Variants in DOCK5 observed in about 807,000 individuals in gnomAD.
DOCK5 encodes the protein dedicator of cytokinesis protein 5.
Under a neutral mutation model 251.8 loss-of-function variants are expected in DOCK5, and 142 were observed. The observed-to-expected ratio is 0.56, with a 90% CI of 0.49 to 0.65. The LOEUF is 0.65. Among genes scored for constraint, DOCK5 ranks in the 30% least tolerant of loss-of-function variants. DOCK5 has a pLI of 0.00. For missense variants in DOCK5, 2,111 were observed against 2,312.3 expected (o/e 0.91, Z 1.79); for synonymous variants, 842 against 835.5 (o/e 1.01, Z -0.13).
At chr8:25,328,743 A>G (rs1282171615) in intron 18 of DOCK5, among the ~76,000 whole-genome samples, 1 of 152,148 alleles carries the variant, frequency 6.6e-6, no homozygotes, top group African/African-American at 2.4e-5. Context: ...GTGTGGGATC[A>G]TTGGTTTCTG....
At chr8:25,276,637 C>G (rs1804047672) in intron 4 of DOCK5, among the ~76,000 whole-genome samples, 1 of 152,060 alleles carries the variant, frequency 6.6e-6, no homozygotes, top group African/African-American at 2.4e-5. Flanking sequence ...AGTTGTAGTT[C>G]AGCACCATCA....
intron 34 of DOCK5, among the ~76,000 whole-genome samples, chr8:25,371,488 AT>A (rs1800871843): frequency 1.3e-5 from 2 of 152,346 alleles, no homozygotes; most frequent in Non-Finnish European, 2.9e-5. Context: ...AATAAAAAAA[AT>A]AATTGAATTG....
At chr8:25,403,868 A>G in intron 48 of DOCK5, 144 bp downstream of exon 48, 1 of 893,114 alleles carries the variant, frequency 1.1e-6, no homozygotes, top group Non-Finnish European at 1.7e-6. Flanking sequence ...TGATTAGCAG[A>G]ATAATAACAA....
Position 25,414,803 on chromosome 8 carries a change from C to T in DOCK5, c.*3505C>T, listed in dbSNP as rs1263390308. ...TTGTGGCTTCCTTTCTCATACTTCT[C>T]AGGTATAATGAAAGGGGGAGAAAAA... is the stretch of plus-strand genomic sequence containing the variant. On this transcript the variant is annotated 3_prime_UTR_variant, in exon 52 of 52. Coordinates refer to ENST00000276440, the MANE Select transcript of DOCK5 (RefSeq NM_024940.8). 6.6e-6 allele frequency: 1 copy of T among 151,552 alleles called. No homozygotes were observed. Among genetic ancestry groups the T allele is most frequent in the Non-Finnish European group, 1.5e-5 (1 of 67,962 alleles). 9.4% of individuals were successfully genotyped at this position (151,552 alleles called of 1,614,324 possible).
chr8:25,405,161 T>C (rs1187897675), intron 48 of DOCK5, among the ~76,000 whole-genome samples: 1 of 152,154 alleles, frequency 6.6e-6, no homozygotes, highest in Admixed American at 6.5e-5. Flanking sequence ...TTTATTGAGT[T>C]GTGCTGATTT....
chr8:25,266,928 A>G (rs1803769458), intron 2 of DOCK5, among the ~76,000 whole-genome samples: 1 of 152,228 alleles, frequency 6.6e-6, no homozygotes, highest in Non-Finnish European at 1.5e-5. Context: ...ACAAACGTAC[A>G]GATAAATTCT....
At chr8:25,398,786 C>A (rs1261974222) in intron 45 of DOCK5, among the ~76,000 whole-genome samples, 1 of 152,204 alleles carries the variant, frequency 6.6e-6, no homozygotes, top group Non-Finnish European at 1.5e-5. Flanking sequence ...GTATGTATGA[C>A]CTCCTCTTAA....
intron 11 of DOCK5, among the ~76,000 whole-genome samples, chr8:25,306,703 TAAATAAATAAAATA>T (rs1563196110): frequency 7.0e-6 from 1 of 142,900 alleles, no homozygotes. Flanking sequence ...GAAAAAAAAA[TAAATAAATAAAATA>T]AAATAAATAA....
chr8:25,199,611 G>T (rs946791348), intron 1 of DOCK5, among the ~76,000 whole-genome samples: 7 of 152,170 alleles, frequency 4.6e-5, no homozygotes, highest in Non-Finnish European at 8.8e-5. Flanking sequence ...TTGAACTCCT[G>T]ACCTCAGGTG....
rs150983720 is a variant in DOCK5 at position 25,343,252 on chromosome 8, G to T, written c.2617+745G>T. ...TCAAACTCCTGACCTCAAGTGATCT[G>T]CCCAACTTGGCCTCCCAAAGTACTG... On this transcript the variant is annotated intron_variant, in intron 25 of 51. Coordinates refer to ENST00000276440, the MANE Select transcript of DOCK5 (RefSeq NM_024940.8). Among the ~76,000 whole-genome samples the T allele has an allele frequency of 1.9e-3, 285 of 151,184 alleles. 1 individual carries two copies. The highest frequency in any genetic ancestry group is 6.2e-3 in the African/African-American group (256 of 41,092).
intron 4 of DOCK5, among the ~76,000 whole-genome samples, chr8:25,277,880 G>C (rs1259696392): frequency 6.6e-6 from 1 of 152,190 alleles, no homozygotes; most frequent in Non-Finnish European, 1.5e-5. Flanking sequence ...GAGCCTGGCA[G>C]TCCTACCACC....
intron 26 of DOCK5, among the ~76,000 whole-genome samples, chr8:25,347,753 T>C (rs1800396157): frequency 1.3e-5 from 2 of 152,186 alleles, no homozygotes; most frequent in Non-Finnish European, 2.9e-5. Context: ...CTGCAGCTAT[T>C]TGTCCTTAGT....
intron 36 of DOCK5, among the ~76,000 whole-genome samples, chr8:25,374,180 T>TG (rs1248240250): frequency 6.6e-6 from 1 of 151,856 alleles, no homozygotes; most frequent in African/African-American, 2.4e-5. Flanking sequence ...ATTGAAGAAA[T>TG]GGGGAAGATC....
In DOCK5 at chr8:25,392,830, C is replaced by T; in HGVS notation, c.4475C>T (p.Ala1492Val). The T allele has an allele frequency of 6.2e-7, 1 of 1,613,290 alleles. No homozygotes were observed. The highest frequency in any genetic ancestry group is 8.5e-7 in the Non-Finnish European group (1 of 1,179,628). The stretch of plus-strand genomic sequence containing the variant: ...ATTGAACGGACCACGTATACGACTG[C>T]ATATACCTTTCCTGGGATTCTCAAG... ...MWIERTTYTT[A>V]YTFPGILKWF... is the part of the protein sequence containing the mutation. The change falls in exon 44 of 52, where the codon GCA (alanine) becomes GTA (valine). Residue 1492 changes from alanine to valine, a missense_variant. Coordinates refer to ENST00000276440, the MANE Select transcript of DOCK5 (RefSeq NM_024940.8).
intron 11 of DOCK5, among the ~76,000 whole-genome samples, chr8:25,306,554 C>CA (rs1347830453): frequency 6.6e-6 from 1 of 151,898 alleles, no homozygotes; most frequent in Non-Finnish European, 1.5e-5. Flanking sequence ...ATTATCTGGG[C>CA]ACAGTGGCGG....
chr8:25,320,494 T>C (rs895633208), intron 15 of DOCK5, among the ~76,000 whole-genome samples: 16 of 152,228 alleles, frequency 1.1e-4, no homozygotes, highest in African/African-American at 3.1e-4. Context: ...ATGATTTGAC[T>C]GCACACCACA....
intron 1 of DOCK5, among the ~76,000 whole-genome samples, chr8:25,196,806 C>T (rs960844852): frequency 6.6e-6 from 1 of 152,062 alleles, no homozygotes; most frequent in African/African-American, 2.4e-5. Flanking sequence ...TTAGTACTTT[C>T]AAAAGAATTA....
At chr8:25,298,116 G>A (rs1226568565) in intron 7 of DOCK5, among the ~76,000 whole-genome samples, 1 of 147,620 alleles carries the variant, frequency 6.8e-6, no homozygotes, top group Non-Finnish European at 1.5e-5. Context: ...CAAACATATT[G>A]ACATTTTAAT....
intron 5 of DOCK5, among the ~76,000 whole-genome samples, chr8:25,281,027 C>CT (rs974618046): frequency 1.3e-5 from 2 of 149,624 alleles, no homozygotes; most frequent in African/African-American, 4.9e-5. Flanking sequence ...GTGAGGCCGA[C>CT]TTTTTTTCTT....
Sources: gnomAD v4.1 joint callset for allele counts (sites outside exome capture counted in the v4.1 genomes callset) on GRCh38, gnomAD v4.1.1 for gene constraint, MANE v1.5 for transcripts, NCBI Gene and HGNC (gene_info 2026-07-23, HGNC 2026-07-21) for gene names.